The following ALB variants were observed in gnomAD, a reference collection of about 807,000 sequenced individuals.
The protein encoded by ALB is albumin, also known as serum albumin.
A neutral mutation model predicts 74.5 loss-of-function variants in ALB; 37 were observed. The observed-to-expected ratio is 0.50, with a 90% confidence interval of 0.38 to 0.65. The LOEUF is 0.65. ALB is among the 30% of genes least tolerant of loss of function. The pLI is 0.00. For synonymous variants in ALB, 249 were observed against 251.6 expected, an observed-to-expected ratio of 0.99 and a Z score of 0.10; for missense variants, 685 against 718.7, an observed-to-expected ratio of 0.95 and a Z score of 0.54.
intron 3 of ALB, among the ~76,000 whole-genome samples, chr4:73,408,026 T>C (rs1025339361): frequency 6.6e-6 from 1 of 152,196 alleles, no homozygotes; most frequent in African/African-American, 2.4e-5. Context: ...ACAGTTACTT[T>C]CATAATAAAA....
rs76454301 is a variant in ALB, at chr4:73,411,996, G to C, written c.714G>C (p.Trp238Cys). The change falls in exon 7 of 15, where the codon TGG becomes TGC. Residue 238 changes from tryptophan to cysteine, a missense_variant and splice_region_variant. Coordinates refer to ENST00000295897, the MANE Select transcript of ALB (RefSeq NM_000477.7). ...QKFGERAFKA[W>C]AVARLSQRFP... The stretch of plus-strand genomic sequence containing the variant: ...TTTTGATTGGCGATTTTCTTTTTAG[G>C]GCAGTAGCTCGCCTGAGCCAGAGAT... The C allele has an allele frequency of 3.7e-6, 6 of 1,613,930 alleles. No individual in the cohort carries two copies. Among genetic ancestry groups the C allele is most frequent in the Non-Finnish European group, 5.1e-6 (6 of 1,179,994 alleles).
intron 13 of ALB, among the ~76,000 whole-genome samples, chr4:73,420,046 T>C (rs1435573098): frequency 3.9e-5 from 6 of 152,194 alleles, no homozygotes; most frequent in African/African-American, 7.2e-5. Flanking sequence ...AAATTGCCCT[T>C]TATGGCCTGA....
At chr4:73,418,367 A>G (rs1304051411) in intron 12 of ALB, 56 bp downstream of exon 12, 5 of 1,506,556 alleles carry the variant, frequency 3.3e-6, no homozygotes, top group African/African-American at 1.4e-5. Context: ...AGAACTGTCA[A>G]TTCAAGCTAG....
intron 13 of ALB, 21 bp from the exon 14 acceptor site, chr4:73,420,233 C>G: frequency 1.2e-6 from 2 of 1,607,810 alleles, no homozygotes; most frequent in Non-Finnish European, 1.7e-6. Flanking sequence ...TTCCTAACAT[C>G]TGTCATGTCT....
At chr4:73,420,856 G>A in intron 14 of ALB, 1 of 408,644 alleles carries the variant, frequency 2.4e-6, no homozygotes. Context: ...TTTCCAATTT[G>A]TCAACATGCT....
At chr4:73,411,220 C>T (rs1044350059) in intron 6 of ALB, among the ~76,000 whole-genome samples, 1 of 138,578 alleles carries the variant, frequency 7.2e-6, no homozygotes, top group Admixed American at 7.9e-5. Context: ...ATCTACACCA[C>T]CAAAATCAAC....
At chr4:73,418,446 G>A (rs1719072826) in intron 12 of ALB, 135 bp downstream of exon 12, 3 of 773,264 alleles carry the variant, frequency 3.9e-6, no homozygotes, top group Non-Finnish European at 6.6e-6. Flanking sequence ...TTATTATGCT[G>A]ATAAGAGTAC....
At chr4:73,414,064 T>C (rs1415800899) in intron 8 of ALB, among the ~76,000 whole-genome samples, 4 of 152,174 alleles carry the variant, frequency 2.6e-5, no homozygotes, top group Admixed American at 2.0e-4. Context: ...AAAAGAAATA[T>C]AGAGTCTGAC....
intron 2 of ALB, among the ~76,000 whole-genome samples, chr4:73,405,381 C>G (rs1718694437): frequency 6.6e-6 from 1 of 152,106 alleles, no homozygotes; most frequent in Admixed American, 6.6e-5. Flanking sequence ...TCAAATATGA[C>G]AAGTGCAACT....
At chr4:73,419,455 C>G in intron 12 of ALB, 52 bp from the exon 13 acceptor site, 1 of 1,563,846 alleles carries the variant, frequency 6.4e-7, no homozygotes, top group Non-Finnish European at 8.7e-7. Context: ...TTTTTCTATA[C>G]GTGAGTAATG....
Position 73,421,193 on chromosome 4 carries a change from A to G in ALB, c.*125A>G. On this transcript the variant is annotated 3_prime_UTR_variant, in exon 15 of 15. Coordinates refer to ENST00000295897, the MANE Select transcript of ALB (RefSeq NM_000477.7). ...CCAACACCCTGTCTAAAAAACATAA[A>G]TTTCTTTAATCATTTTGCCTCTTTT... 1.5e-6 allele frequency: 1 copy of G among 651,354 alleles called. No homozygotes were observed. Among genetic ancestry groups the G allele is most frequent in the Non-Finnish European group, 2.7e-6 (1 of 367,124 alleles). 40.3% of individuals were successfully genotyped at this position (651,354 alleles called of 1,614,324 possible).
At chr4:73,420,125 A>G (rs1577942935) in intron 13 of ALB, 129 bp from the exon 14 acceptor site, 1 of 832,438 alleles carries the variant, frequency 1.2e-6, no homozygotes, top group East Asian at 2.7e-5. Context: ...TTATAGTAGT[A>G]AATTGTAATT....
At chr4:73,420,413 G>T in intron 14 of ALB, 92 bp downstream of exon 14, 3 of 791,644 alleles carry the variant, frequency 3.8e-6, no homozygotes, top group Admixed American at 2.6e-5. Context: ...ATATAGACCA[G>T]CACCGACCAC....
chr4:73,415,295 T>A (rs6832260), intron 9 of ALB, 128 bp downstream of exon 9: 612,541 of 1,121,008 alleles, frequency 0.55, 170,166 homozygotes, highest in Non-Finnish European at 0.57. Flanking sequence ...TGGTTTCAAT[T>A]CTGGAATCTT....
chr4:73,405,069 T>C (rs1718684609), intron 1 of ALB, 47 bp from the exon 2 acceptor site: 1 of 1,518,730 alleles, frequency 6.6e-7, no homozygotes, highest in African/African-American at 1.4e-5. Flanking sequence ...TATTACTTCT[T>C]GTTTTCTTCA....
chr4:73,412,269 C>A, intron 7 of ALB, 144 bp downstream of exon 7: 1 of 1,030,500 alleles, frequency 9.7e-7, no homozygotes, highest in Non-Finnish European at 1.5e-6. Flanking sequence ...CTTTCCCTGC[C>A]TATGGTGGTG....
At chr4:73,409,942 G>A (rs183247535) in intron 5 of ALB, among the ~76,000 whole-genome samples, 1 of 152,098 alleles carries the variant, frequency 6.6e-6, no homozygotes, top group African/African-American at 2.4e-5. Flanking sequence ...TTTCTGAGGA[G>A]TTTACTGATG....
intron 10 of ALB, 109 bp from the exon 11 acceptor site, chr4:73,417,422 A>G: frequency 1.5e-6 from 2 of 1,361,678 alleles, no homozygotes; most frequent in Non-Finnish European, 2.1e-6. Flanking sequence ...TAATATGATG[A>G]ATGGAACATA....
intron 7 of ALB, among the ~76,000 whole-genome samples, chr4:73,412,997 C>T (rs931440795): frequency 2.0e-5 from 3 of 151,948 alleles, no homozygotes; most frequent in African/African-American, 4.8e-5. Context: ...AAATTTAAGG[C>T]GGTTATTTTA....
Sources: gnomAD v4.1 joint callset for allele counts (sites outside exome capture counted in the v4.1 genomes callset) on GRCh38, gnomAD v4.1.1 for gene constraint, MANE v1.5 for transcripts, NCBI Gene and HGNC (gene_info 2026-07-23, HGNC 2026-07-21) for gene names.